Variants in DNAJB1 observed in about 807,000 individuals in gnomAD.
DNAJB1 encodes the protein dnaJ homolog subfamily B member 1.
In DNAJB1, 14 loss-of-function variants were observed where a neutral mutation model predicts 24.0. The observed-to-expected ratio is 0.58, with a 90% confidence interval of 0.39 to 0.91. The LOEUF (loss-of-function observed/expected upper bound fraction) is 0.91, where lower values mean the gene tolerates loss of function less well. Ranked by LOEUF, DNAJB1 falls within the 40% of genes least tolerant of loss-of-function variation. The pLI, the probability that DNAJB1 is intolerant of heterozygous loss-of-function variation, is 0.00. For synonymous variants in DNAJB1, 262 were observed against 174.4 expected, an observed-to-expected ratio of 1.50 and a Z score of -3.96; for missense variants, 517 against 458.1, an observed-to-expected ratio of 1.13 and a Z score of -1.17.
At chr19:14,550,684 GGTTT>G (rs566077927), upstream of DNAJB1, among the ~76,000 whole-genome samples, 305 of 152,138 alleles carry the variant, frequency 2.0e-3, no homozygotes, top group Non-Finnish European at 3.5e-3. Flanking sequence ...TCAGTTTTTT[GGTTT>G]GTTTGTTTTT....
intron 1 of DNAJB1, among the ~76,000 whole-genome samples, chr19:14,535,129 T>C (rs956424339): frequency 2.6e-4 from 40 of 152,106 alleles, no homozygotes; most frequent in African/African-American, 9.2e-4. Context: ...TCCCAGCACG[T>C]TGGGAGGCTG....
upstream of DNAJB1, among the ~76,000 whole-genome samples, chr19:14,554,065 C>T (rs910873378): frequency 6.6e-6 from 1 of 152,212 alleles, no homozygotes; most frequent in Admixed American, 6.5e-5. Context: ...ATCAGCTCTG[C>T]AAGGGGGCCC....
upstream of DNAJB1, among the ~76,000 whole-genome samples, chr19:14,519,252 C>A (rs1369763256): frequency 2.0e-5 from 3 of 152,120 alleles, no homozygotes; most frequent in African/African-American, 4.8e-5. Flanking sequence ...ACCTGTAATC[C>A]CAGCTACTCA....
At chr19:14,550,870 C>A (rs1250950436), upstream of DNAJB1, among the ~76,000 whole-genome samples, 4 of 152,028 alleles carry the variant, frequency 2.6e-5, no homozygotes, top group South Asian at 8.4e-4. Flanking sequence ...CAGGGTTTCA[C>A]CATGTTAGCC....
intron 1 of DNAJB1, among the ~76,000 whole-genome samples, chr19:14,543,428 T>A (rs1363258134): frequency 7.8e-3 from 84 of 10,770 alleles, no homozygotes; most frequent in Non-Finnish European, 0.015. Context: ...TATTTTTTTT[T>A]TTTTTTTTTT....
chr19:14,516,728 C>T lies in DNAJB1; in HGVS notation c.530G>A (p.Ser177Asn), dbSNP rs2072270157. 1 of 1,613,954 alleles carries T rather than the reference C, an allele frequency of 6.2e-7. No individual in the cohort carries two copies. The highest frequency in any genetic ancestry group is 1.3e-5 in the African/African-American group (1 of 74,872). Residue 177 changes from serine (S) to asparagine (N), a missense_variant, in exon 2 of 3, where the codon AGC becomes AAC. Coordinates refer to ENST00000254322, the MANE Select transcript of DNAJB1 (RefSeq NM_006145.3). ...DLRVSLEEIY[S>N]GCTKKMKISH... ...GATTTTCATCTTCTTGGTACAGCCG[C>T]TGTAGATCTCTTCAAGGGAGACTCG...
upstream of DNAJB1, among the ~76,000 whole-genome samples, chr19:14,522,487 G>GAAAAA (rs60019206): frequency 6.8e-5 from 4 of 59,238 alleles, no homozygotes; most frequent in Non-Finnish European, 1.0e-4. Flanking sequence ...CTGTCTCGAA[G>GAAAAA]AAAAAAAAAA....
Position 14,517,059 on chromosome 19 carries a change from T to C in DNAJB1, c.212-13A>G. ...CTCCCCTTTAGGCCTGAAAAGCAGA[T>C]TTAGAAGCAGTCAGATGGCTGAACA... On this transcript the variant is annotated splice_polypyrimidine_tract_variant and intron_variant, in intron 1 of 2. Coordinates refer to ENST00000254322, the MANE Select transcript of DNAJB1 (RefSeq NM_006145.3). 1 of 1,592,562 alleles carries C rather than the reference T, an allele frequency of 6.3e-7. No homozygotes were observed. Among genetic ancestry groups the C allele is most frequent in the Non-Finnish European group, 8.6e-7 (1 of 1,168,442 alleles).
chr19:14,518,559 C>T (rs2072321552), upstream of DNAJB1: 1 of 381,056 alleles, frequency 2.6e-6, no homozygotes, highest in Non-Finnish European at 4.6e-6. Flanking sequence ...TCGCCGTCAA[C>T]GGCCGCCCGC....
Position 14,539,347 on chromosome 19 carries a change from G to T in DNAJB1, c.-214+10861C>A, listed in dbSNP as rs538525451. ...TTTCCTTCTTCATGGGAAGACCCTT[G>T]GGGAAGTCACACCACACTCAGAGCC... On this transcript the variant is annotated intron_variant, in intron 1 of 3. Coordinates refer to the DNAJB1 transcript ENST00000676982. Among the ~76,000 whole-genome samples the T allele has an allele frequency of 2.0e-5, 3 of 151,898 alleles. No individual in the cohort carries two copies. In the East Asian group the frequency reaches 5.8e-4, roughly 29 times the overall value.
intron 1 of DNAJB1, among the ~76,000 whole-genome samples, chr19:14,544,395 C>T (rs1468342670): frequency 6.6e-6 from 1 of 152,024 alleles, no homozygotes; most frequent in Non-Finnish European, 1.5e-5. Flanking sequence ...TCTTACGGAG[C>T]ACACAGGACA....
upstream of DNAJB1, chr19:14,529,553 G>C: frequency 7.8e-7 from 1 of 1,286,306 alleles, no homozygotes; most frequent in Non-Finnish European, 1.1e-6. Context: ...TGGCCGACGG[G>C]GCGCGCGCGG....
intron 1 of DNAJB1, among the ~76,000 whole-genome samples, chr19:14,546,806 T>G (rs969612963): frequency 6.6e-6 from 1 of 152,162 alleles, no homozygotes; most frequent in Non-Finnish European, 1.5e-5. Context: ...TCTCCCACCT[T>G]AGCCTCCCAG....
upstream of DNAJB1, among the ~76,000 whole-genome samples, chr19:14,518,787 G>A (rs971430381): frequency 6.6e-6 from 1 of 152,252 alleles, no homozygotes; most frequent in Non-Finnish European, 1.5e-5. Flanking sequence ...TGGGGCCTGG[G>A]ACTACCCAGT....
upstream of DNAJB1, chr19:14,529,796 G>T (rs2072548195): frequency 6.3e-7 from 1 of 1,594,016 alleles, no homozygotes; most frequent in African/African-American, 1.3e-5. Flanking sequence ...CCCACTTTCT[G>T]GTCCTGTGCC....
chr19:14,549,300 C>T lies in DNAJB1; in HGVS notation c.-214+908G>A, dbSNP rs186749118. ...CGATCTCAGCTCACTGCAACCTCTGCCTCCCGGGTTCAAGCAGTTCTCCTG... is the reference window on the plus strand; with the variant it reads ...CGATCTCAGCTCACTGCAACCTCTGTCTCCCGGGTTCAAGCAGTTCTCCTG... On this transcript the variant is annotated intron_variant, in intron 1 of 3. Coordinates refer to the DNAJB1 transcript ENST00000676982. 2.6e-3 allele frequency among the ~76,000 whole-genome samples: 387 copies of T among 149,232 alleles called. 6 individuals are homozygous for T. The highest frequency in any genetic ancestry group is 9.5e-3 in the African/African-American group (384 of 40,482).
At chr19:14,516,211 A>C (rs1331060748) in intron 2 of DNAJB1, 41 bp from the exon 3 acceptor site, 1 of 1,608,184 alleles carries the variant, frequency 6.2e-7, no homozygotes, top group Non-Finnish European at 8.5e-7. Context: ...AAGCTGGCTC[A>C]AGAGGCTCAG....
chr19:14,521,456 A>AAATAGT (rs2072357948), upstream of DNAJB1, among the ~76,000 whole-genome samples: 1 of 143,120 alleles, frequency 7.0e-6, no homozygotes, highest in Non-Finnish European at 1.5e-5. Context: ...GAGAGTTTCA[A>AAATAGT]AATAATAATA....
intron 1 of DNAJB1, among the ~76,000 whole-genome samples, chr19:14,558,457 G>A (rs1360918395): frequency 1.3e-5 from 2 of 152,114 alleles, no homozygotes; most frequent in Non-Finnish European, 2.9e-5. Context: ...CTGGCTCTTG[G>A]CTCTGCCCTG....
Sources: gnomAD v4.1 joint callset for allele counts (sites outside exome capture counted in the v4.1 genomes callset) on GRCh38, gnomAD v4.1.1 for gene constraint, MANE v1.5 for transcripts, NCBI Gene and HGNC (gene_info 2026-07-23, HGNC 2026-07-21) for gene names.